SUPT6H: variants seen among roughly 807,000 people sequenced by gnomAD.
SUPT6H encodes transcription elongation factor SPT6.
In SUPT6H, 11 loss-of-function variants were observed where a neutral mutation model predicts 222.3. That is an observed-to-expected ratio of 0.05 (90% confidence interval 0.03 to 0.08). The LOEUF is 0.08. Ranked by LOEUF, SUPT6H falls within the 10% of genes least tolerant of loss-of-function variation. SUPT6H has a pLI of 1.00. For missense variants in SUPT6H, 1,422 were observed against 2,216.0 expected (o/e 0.64, Z 7.19); for synonymous variants, 762 against 801.2 (o/e 0.95, Z 0.83).
At chr17:28,681,856 T>C (rs934609198) in intron 12 of SUPT6H, 26 bp from the exon 13 acceptor site, 28 of 1,585,968 alleles carry the variant, frequency 1.8e-5, no homozygotes, top group African/African-American at 2.7e-5. Context: ...ACTAGAACCC[T>C]AAATCTCCCC....
At chr17:28,672,639 C>T (rs2030493070) in intron 1 of SUPT6H, 1 of 152,008 alleles carries the variant, frequency 6.6e-6, no homozygotes, top group Non-Finnish European at 1.5e-5. Context: ...GTCTCGAACT[C>T]CTGACCTCAG....
At chr17:28,669,732 C>T (rs1180900074) in intron 1 of SUPT6H, among the ~76,000 whole-genome samples, 1 of 152,084 alleles carries the variant, frequency 6.6e-6, no homozygotes. Flanking sequence ...GTCAGGAGTT[C>T]GAGACCAGCC....
chr17:28,697,193 GC>G, intron 30 of SUPT6H, 111 bp downstream of exon 30: 1 of 858,346 alleles, frequency 1.2e-6, no homozygotes, highest in Non-Finnish European at 1.9e-6. Context: ...TTTTAGCTGT[GC>G]ACAGCAACAA....
At chr17:28,697,565 A>G in intron 30 of SUPT6H, 55 bp from the exon 31 acceptor site, 1 of 1,466,222 alleles carries the variant, frequency 6.8e-7, no homozygotes. Context: ...GATGGATTTG[A>G]TCAAGAATCT....
chr17:28,696,377 G>A (rs981390225), intron 29 of SUPT6H, among the ~76,000 whole-genome samples: 7 of 147,798 alleles, frequency 4.7e-5, no homozygotes, highest in Non-Finnish European at 7.5e-5. Flanking sequence ...CAGGCGGGTC[G>A]CTTGAGGTGA....
At chr17:28,696,287 ACT>A (rs1442918264) in intron 29 of SUPT6H, among the ~76,000 whole-genome samples, 12 of 116,098 alleles carry the variant, frequency 1.0e-4, no homozygotes, top group Middle Eastern at 8.5e-3. Context: ...ACAGAGTGAG[ACT>A]CTGTCTCAAA....
rs758646919 is a variant in SUPT6H, at chr17:28,678,645, T to A, written c.1206+11T>A. On this transcript the variant is annotated intron_variant, in intron 10 of 36. Transcript: ENST00000314616. The stretch of plus-strand genomic sequence containing the variant: ...CAGTGGGATGAAAAGGTAATGTAGA[T>A]CCGTGGCCCCCAAGAGGTGTGGGCC... 2.5e-6 allele frequency: 4 copies of A among 1,613,920 alleles called. No individual in the cohort carries two copies. The highest frequency in any genetic ancestry group is 2.5e-6 in the Non-Finnish European group (3 of 1,179,950).
At chr17:28,666,749 A>C (rs529654674) in intron 1 of SUPT6H, among the ~76,000 whole-genome samples, 1 of 152,022 alleles carries the variant, frequency 6.6e-6, no homozygotes, top group Non-Finnish European at 1.5e-5. Context: ...ACAGGGTTTC[A>C]TCATGCTGGC....
At chr17:28,671,073 G>A (rs1048593112) in intron 1 of SUPT6H, 13 of 152,040 alleles carry the variant, frequency 8.6e-5, no homozygotes, top group African/African-American at 2.7e-4. Flanking sequence ...TTAATCTCAA[G>A]TTCATTGGTT....
chr17:28,674,640 C>T (rs1237311922), intron 4 of SUPT6H, 27 bp downstream of exon 4: 2 of 1,607,696 alleles, frequency 1.2e-6, no homozygotes, highest in Non-Finnish European at 1.7e-6. Context: ...GTCTTTTGTC[C>T]CTGGGGGTAA....
At chr17:28,696,749 C>G in intron 29 of SUPT6H, 95 bp from the exon 30 acceptor site, 1 of 1,178,622 alleles carries the variant, frequency 8.5e-7, no homozygotes, top group Non-Finnish European at 1.2e-6. Context: ...CACCCCAACT[C>G]AATAAATAAA....
Position 28,691,077 on chromosome 17 carries a change from C to A in SUPT6H, c.3633+14C>A, listed in dbSNP as rs768033682. 6 of 1,611,282 alleles carry A rather than the reference C, an allele frequency of 3.7e-6. No homozygotes were observed. The South Asian group carries it at 6.6e-5, about 18-fold the overall frequency. ...GAACTAAGCGAGGTGTGTGCTGCAG[C>A]ATTATCCTGCTCAGTGGATTTCCTT... On this transcript the variant is annotated intron_variant, in intron 27 of 36. Transcript: ENST00000314616.
At chr17:28,694,645 C>T (rs1049757529) in intron 28 of SUPT6H, among the ~76,000 whole-genome samples, 1 of 152,150 alleles carries the variant, frequency 6.6e-6, no homozygotes, top group Non-Finnish European at 1.5e-5. Context: ...ACTACTTAGA[C>T]AGAAGGGCTC....
intron 2 of SUPT6H, 92 bp from the exon 3 acceptor site, chr17:28,674,191 T>C (rs2030598811): frequency 6.6e-7 from 1 of 1,510,210 alleles, no homozygotes; most frequent in Non-Finnish European, 9.0e-7. Context: ...GGTCATTAGG[T>C]GCAGAGCAAA....
chr17:28,686,375 A>G lies in SUPT6H; in HGVS notation c.2524A>G (p.Asn842Asp). 6.2e-7 allele frequency: 1 copy of G among 1,614,250 alleles called. No individual in the cohort carries two copies. The highest frequency in any genetic ancestry group is 8.5e-7 in the Non-Finnish European group (1 of 1,180,036). Reference sequence around the variant, plus strand: ...TGAAACGCTAAAGAAATTTCTCCTGAATAAGAAGCCTCATGTAGTGACAGT... The same window carrying G: ...TGAAACGCTAAAGAAATTTCTCCTGGATAAGAAGCCTCATGTAGTGACAGT... ...DIETLKKFLL[N>D]KKPHVVTVAG... The change falls in exon 20 of 37, where the codon AAT (asparagine) becomes GAT (aspartate). Residue 842 changes from asparagine (N) to aspartate (D), a missense_variant. Physicochemically the swap from Asn to Asp is conservative, Grantham distance 23. Transcript: ENST00000314616.
chr17:28,681,235 C>A, intron 11 of SUPT6H, 21 bp from the exon 12 acceptor site: 1 of 1,613,032 alleles, frequency 6.2e-7, no homozygotes, highest in South Asian at 1.1e-5. Context: ...TGACTGAAAC[C>A]TTATGTCTCT....
intron 8 of SUPT6H, 51 bp downstream of exon 8, chr17:28,677,867 C>T: frequency 6.5e-7 from 1 of 1,527,600 alleles, no homozygotes; most frequent in Middle Eastern, 1.7e-4. Context: ...GACACTTCAT[C>T]AAGATGGGGA....
chr17:28,701,975 C>T lies in SUPT6H; in HGVS notation c.*350C>T. On this transcript the variant is annotated 3_prime_UTR_variant, in exon 37 of 37. Coordinates refer to ENST00000314616, the MANE Select transcript of SUPT6H (RefSeq NM_003170.5). ...ACTTCTGCCCTCACCGGACTCTGGG[C>T]TGTGACTGGGGCACCAAACTCAGCA... 4.7e-6 allele frequency: 1 copy of T among 212,414 alleles called. No individual in the cohort carries two copies. Among genetic ancestry groups the T allele is most frequent in the South Asian group, 1.4e-4 (1 of 7,102 alleles). 13.2% of individuals were successfully genotyped at this position (212,414 alleles called of 1,614,324 possible).
At chr17:28,683,135 C>G in intron 15 of SUPT6H, 43 bp downstream of exon 15, 1 of 1,564,210 alleles carries the variant, frequency 6.4e-7, no homozygotes, top group Non-Finnish European at 8.6e-7. Context: ...TGCACCAGCT[C>G]TTTCTTTGAT....
Sources: allele counts gnomAD v4.1 joint callset (sites outside exome capture counted in the v4.1 genomes callset), GRCh38; gene constraint gnomAD v4.1.1; transcripts MANE v1.5; gene names NCBI Gene and HGNC (gene_info 2026-07-23, HGNC 2026-07-21).